RBFOX1: variants seen among roughly 807,000 people sequenced by gnomAD.
RBFOX1 encodes RNA binding fox-1 homolog 1.
Under a neutral mutation model 57.7 loss-of-function variants are expected in RBFOX1, and 8 were observed. The observed-to-expected ratio is 0.14, with a 90% CI of 0.08 to 0.25. RBFOX1 has a LOEUF of 0.25. RBFOX1 is among the 10% of genes least tolerant of loss of function. The probability of loss-of-function intolerance (pLI) is 1.00; values close to 1 mark genes in which losing one functional copy is unlikely to be tolerated. For missense variants in RBFOX1, 611 were observed against 548.5 expected (o/e 1.11, Z -1.14); for synonymous variants, 326 against 222.4 (o/e 1.47, Z -4.15).
rs974232926 is a variant in RBFOX1, at chr16:6,019,318, T to G, written c.-801T>G. 52 of 984,906 alleles carry G rather than the reference T, an allele frequency of 5.3e-5. No homozygotes were observed. Among genetic ancestry groups the G allele is most frequent in the Non-Finnish European group, 5.9e-5 (49 of 830,136 alleles). 61.0% of individuals were successfully genotyped at this position (984,906 alleles called of 1,614,324 possible). On this transcript the variant is annotated 5_prime_UTR_variant, in exon 1 of 16. Coordinates refer to ENST00000550418, the MANE Select transcript of RBFOX1 (RefSeq NM_018723.4). This position sits in a 1 kb window ranked among gnomAD's most constrained non-coding sequence, Gnocchi z 4.2. ...AAGGTCACCTCCTTTCCAGTCCCCG[T>G]GCGAGCCGCGCTGCCGCCGCCTCCT...
chr16:5,431,509 G>C (rs2067733028), intron 1 of RBFOX1, among the ~76,000 whole-genome samples: 1 of 151,874 alleles, frequency 6.6e-6, no homozygotes, highest in African/African-American at 2.4e-5. Context: ...TGAGTGGCTG[G>C]GATTACAGGC....
intron 2 of RBFOX1, among the ~76,000 whole-genome samples, chr16:6,477,227 G>A (rs1167092985): frequency 3.3e-5 from 5 of 152,268 alleles, no homozygotes; most frequent in South Asian, 2.1e-4. Flanking sequence ...TCTCAAAAGC[G>A]AATATTTTTT....
chr16:6,774,043 A>G (rs1423436459), intron 3 of RBFOX1: 2 of 969,188 alleles, frequency 2.1e-6, no homozygotes, highest in Non-Finnish European at 2.5e-6. Context: ...TCTACCTGTA[A>G]ATGCTCATTG....
chr16:6,685,279 T>TC (rs1369116816), intron 3 of RBFOX1, among the ~76,000 whole-genome samples: 6 of 103,568 alleles, frequency 5.8e-5, no homozygotes, highest in Admixed American at 1.0e-4. Context: ...TTTTCTTTTT[T>TC]TTTTTTTTTT....
At chr16:5,907,269 C>G (rs185588078) in intron 4 of RBFOX1, among the ~76,000 whole-genome samples, 96 of 152,004 alleles carry the variant, frequency 6.3e-4, no homozygotes, top group African/African-American at 2.3e-3. Flanking sequence ...TAGTGGAGTT[C>G]TCATCCTGCC....
chr16:7,593,141 C>G (rs2094528300), intron 7 of RBFOX1, among the ~76,000 whole-genome samples: 1 of 152,106 alleles, frequency 6.6e-6, no homozygotes, highest in Non-Finnish European at 1.5e-5. Flanking sequence ...TGGTTTCGAT[C>G]ACACGTAGTG....
At chr16:6,963,249 G>A (rs569854483) in intron 3 of RBFOX1, among the ~76,000 whole-genome samples, 49 of 152,048 alleles carry the variant, frequency 3.2e-4, no homozygotes, top group Non-Finnish European at 6.0e-4. Flanking sequence ...ATTTGTGTTG[G>A]CAAAAAGCTA....
chr16:7,409,365 T>C (rs1275990037), intron 4 of RBFOX1, among the ~76,000 whole-genome samples: 1 of 152,240 alleles, frequency 6.6e-6, no homozygotes, highest in East Asian at 1.9e-4. Flanking sequence ...CCCACATGCC[T>C]GTTTTATTCA....
Position 5,365,584 on chromosome 16 carries a change from G to T in RBFOX1, c.220-101632G>T, listed in dbSNP as rs550775493. Among the ~76,000 whole-genome samples, 97 of 152,124 alleles carry T rather than the reference G, an allele frequency of 6.4e-4. 1 individual carries two copies. Among genetic ancestry groups the T allele is most frequent in the Non-Finnish European group, 2.4e-4 (16 of 68,038 alleles). ...CTTGGGAGGCTGAGGCAGGAGAATC[G>T]CTTGTACCCTGGAGGTGGAGGTTGC... On this transcript the variant is annotated intron_variant, in intron 1 of 2. Coordinates refer to the RBFOX1 transcript ENST00000585867.
chr16:7,255,120 C>G (rs2094625797), intron 4 of RBFOX1, among the ~76,000 whole-genome samples: 1 of 152,054 alleles, frequency 6.6e-6, no homozygotes, highest in South Asian at 2.1e-4. Flanking sequence ...CCAAAAATAA[C>G]CCCATCTCCG....
chr16:7,273,502 A>G (rs2095380458), intron 4 of RBFOX1, among the ~76,000 whole-genome samples: 1 of 152,098 alleles, frequency 6.6e-6, no homozygotes, highest in Admixed American at 6.6e-5. Context: ...TTAAGTGGAA[A>G]TCCCAGCTTT....
intron 3 of RBFOX1, among the ~76,000 whole-genome samples, chr16:7,021,662 C>G (rs1266220160): frequency 1.4e-5 from 2 of 147,194 alleles, no homozygotes; most frequent in Admixed American, 6.8e-5. Context: ...TTTTATTTCC[C>G]TCAGCCTATT....
chr16:5,628,700 C>A (rs1404384984), intron 3 of RBFOX1, among the ~76,000 whole-genome samples: 4 of 152,336 alleles, frequency 2.6e-5, no homozygotes, highest in African/African-American at 9.6e-5. Flanking sequence ...TCCTTGATAT[C>A]AAGCCAGGGT....
At chr16:6,316,091 G>T (rs12929968) in intron 1 of RBFOX1, among the ~76,000 whole-genome samples, 1 of 151,922 alleles carries the variant, frequency 6.6e-6, no homozygotes, top group Non-Finnish European at 1.5e-5. Flanking sequence ...TTCAATTATC[G>T]ATGGATCAGG....
intron 4 of RBFOX1, among the ~76,000 whole-genome samples, chr16:7,470,200 C>G (rs908663029): frequency 3.3e-5 from 5 of 152,214 alleles, no homozygotes; most frequent in Admixed American, 6.5e-5. Flanking sequence ...TGGGTCATCT[C>G]TATCATAGAA....
chr16:7,349,211 A>C (rs1186212974), intron 4 of RBFOX1, among the ~76,000 whole-genome samples: 1 of 152,192 alleles, frequency 6.6e-6, no homozygotes, highest in Non-Finnish European at 1.5e-5. Flanking sequence ...CAGGCGGCTC[A>C]AGAGATCAAG....
chr16:7,454,199 C>G (rs1435831459), intron 4 of RBFOX1, among the ~76,000 whole-genome samples: 3 of 152,198 alleles, frequency 2.0e-5, no homozygotes, highest in Non-Finnish European at 4.4e-5. Flanking sequence ...TGCCACGGCA[C>G]TCCAGCCTGG....
At chr16:7,327,381 A>G (rs2096624696) in intron 4 of RBFOX1, among the ~76,000 whole-genome samples, 1 of 152,206 alleles carries the variant, frequency 6.6e-6, no homozygotes, top group Admixed American at 6.5e-5. Context: ...AGTGAGGAAT[A>G]TTATGAAGGG....
At chr16:5,630,890 A>C (rs1334296770) in intron 3 of RBFOX1, among the ~76,000 whole-genome samples, 3 of 152,244 alleles carry the variant, frequency 2.0e-5, no homozygotes, top group Non-Finnish European at 4.4e-5. Context: ...TTAATGACCA[A>C]ATATGTTTTT....
Sources: gnomAD v4.1 joint callset for allele counts (sites outside exome capture counted in the v4.1 genomes callset) on GRCh38, gnomAD v4.1.1 for gene constraint, Gnocchi (gnomAD v3.1) non-coding constraint, MANE v1.5 for transcripts, NCBI Gene and HGNC (gene_info 2026-07-23, HGNC 2026-07-21) for gene names.